Variants in FRMPD4 observed in about 807,000 individuals in gnomAD.
FRMPD4 encodes FERM and PDZ domain containing 4, also known as FERM and PDZ domain-containing protein 4.
FRMPD4 carries 22 observed loss-of-function variants against 94.1 expected under a neutral mutation model. The observed-to-expected ratio is 0.23, with a 90% confidence interval of 0.17 to 0.33. The LOEUF is 0.33. FRMPD4 is among the 10% of genes least tolerant of loss of function. The pLI is 1.00. For missense variants in FRMPD4, 1,111 were observed against 1,339.9 expected, an observed-to-expected ratio of 0.83 and a Z score of 2.67; for synonymous variants, 631 against 548.6, an observed-to-expected ratio of 1.15 and a Z score of -2.10.
At chrX:12,584,031 G>T (rs1226430265) in intron 2 of FRMPD4, among the ~76,000 whole-genome samples, 1 of 111,683 alleles carries the variant, frequency 9.0e-6, no homozygotes, top group African/African-American at 3.3e-5. Flanking sequence ...GCAACGTCCT[G>T]GGAACTCTGG....
intron 3 of FRMPD4, among the ~76,000 whole-genome samples, chrX:12,024,014 T>G (rs1275941716): frequency 8.9e-6 from 1 of 111,853 alleles, no homozygotes; most frequent in African/African-American, 3.2e-5. Context: ...ACAAAGCTTC[T>G]GAAGTTCTTT....
intron 1 of FRMPD4, among the ~76,000 whole-genome samples, chrX:11,848,058 TA>T (rs1016966341): frequency 2.8e-4 from 30 of 108,279 alleles, no homozygotes; most frequent in Non-Finnish European, 4.4e-4. Context: ...AAAAAATAAA[TA>T]AAAAAAAGAA....
At chrX:12,138,374 G>C (rs746216419), upstream of FRMPD4, 14 of 116,186 alleles carry the variant, frequency 1.2e-4, no homozygotes, top group Non-Finnish European at 2.0e-4. Context: ...CAGATCTAGA[G>C]GCACACGCAG....
chrX:12,166,316 T>A (rs1456836564), intron 1 of FRMPD4, among the ~76,000 whole-genome samples: 3 of 112,096 alleles, frequency 2.7e-5, no homozygotes, highest in African/African-American at 9.7e-5. Flanking sequence ...AATCATGTGG[T>A]TTTTGTTTTT....
chrX:11,978,726 T>C (rs2054381450), intron 3 of FRMPD4, among the ~76,000 whole-genome samples: 1 of 112,102 alleles, frequency 8.9e-6, no homozygotes, highest in Non-Finnish European at 1.9e-5. Flanking sequence ...TACAAAACTT[T>C]ACTTTGAAGC....
At chrX:12,164,753 G>C (rs959480182) in intron 1 of FRMPD4, among the ~76,000 whole-genome samples, 12 of 112,473 alleles carry the variant, frequency 1.1e-4, no homozygotes, top group Non-Finnish European at 2.1e-4. Flanking sequence ...ACTGGTGTGA[G>C]ATGGTATCTC....
At position 12,580,112 on chromosome X, in the gene FRMPD4, A is replaced by G. The variant is rs145590481; in HGVS notation, c.159-29609A>G. 3.5e-4 allele frequency among the ~76,000 whole-genome samples: 39 copies of G among 112,535 alleles called. No individual in the cohort carries two copies. The East Asian group carries it at 0.01, about 30-fold the overall frequency. ...AAATGAACAAAAGCAGTTAGATTCA[A>G]GAGGGGAGTTGACACTTGGAAGAAA... On this transcript the variant is annotated intron_variant, in intron 2 of 16. Transcript: ENST00000675598.
rs1360905217 is a variant in FRMPD4 at position 12,128,167 on chromosome X, C to T, written c.95+250149C>T. Among the ~76,000 whole-genome samples, 5 of 113,383 alleles carry T rather than the reference C, an allele frequency of 4.4e-5. No individual in the cohort carries two copies. The East Asian group carries it at 1.4e-3, about 31-fold the overall frequency. ...TCCAACCCCACATTTCCCTTCCACACTGCCGTAGCAGTGGTTCTCCATGAG... is the reference window on the plus strand; with the variant it reads ...TCCAACCCCACATTTCCCTTCCACATTGCCGTAGCAGTGGTTCTCCATGAG... On this transcript the variant is annotated intron_variant, in intron 3 of 18. Coordinates refer to the FRMPD4 transcript ENST00000640291.
intron 1 of FRMPD4, among the ~76,000 whole-genome samples, chrX:12,164,559 A>C (rs1332290487): frequency 8.9e-6 from 1 of 112,374 alleles, no homozygotes; most frequent in Admixed American, 9.4e-5. Flanking sequence ...TTGGGTATAT[A>C]CCCAGTAATG....
intron 9 of FRMPD4, among the ~76,000 whole-genome samples, chrX:12,695,669 C>T (rs778970000): frequency 2.9e-4 from 33 of 112,208 alleles, no homozygotes; most frequent in African/African-American, 1.1e-3. Context: ...TCCCAAAGTG[C>T]TGGGATTACA....
intron 3 of FRMPD4, among the ~76,000 whole-genome samples, chrX:12,117,140 C>T (rs1056048685): frequency 2.7e-5 from 3 of 111,723 alleles, no homozygotes; most frequent in Admixed American, 9.5e-5. Context: ...TTGCCAAAGT[C>T]AACTATGGCA....
At chrX:12,311,612 A>T (rs137911686) in intron 1 of FRMPD4, among the ~76,000 whole-genome samples, 1 of 110,637 alleles carries the variant, frequency 9.0e-6, no homozygotes, top group Admixed American at 9.6e-5. Context: ...AACTATTTCT[A>T]TTTTAATTTG....
chrX:12,166,279 A>G (rs907099417), intron 1 of FRMPD4, among the ~76,000 whole-genome samples: 3 of 111,932 alleles, frequency 2.7e-5, no homozygotes, highest in Non-Finnish European at 5.6e-5. Flanking sequence ...GAATTTTGTC[A>G]AAGGCCTTTT....
At chrX:12,136,815 A>C (rs1461037973), upstream of FRMPD4, among the ~76,000 whole-genome samples, 1 of 108,805 alleles carries the variant, frequency 9.2e-6, no homozygotes, top group Non-Finnish European at 1.9e-5. Context: ...CAGGAGCGCA[A>C]CTTTAGCTTG....
chrX:12,231,259 C>T (rs2023757), intron 1 of FRMPD4, among the ~76,000 whole-genome samples: 1,011 of 100,560 alleles, frequency 0.01, 6 homozygotes, highest in Non-Finnish European at 0.016. Context: ...GGGTAAATTC[C>T]GGCCCTGAAG....
At chrX:12,195,651 T>C (rs2056558358) in intron 1 of FRMPD4, among the ~76,000 whole-genome samples, 1 of 111,767 alleles carries the variant, frequency 8.9e-6, no homozygotes, top group Non-Finnish European at 1.9e-5. Context: ...AGCAGGTGTT[T>C]AGTGTCCCAG....
intron 1 of FRMPD4, among the ~76,000 whole-genome samples, chrX:12,185,374 C>T (rs1272924651): frequency 9.0e-6 from 1 of 111,449 alleles, no homozygotes; most frequent in Non-Finnish European, 1.9e-5. Context: ...ATAGATGCCT[C>T]ACCCCGCACC....
At position 12,720,991 on chromosome X, in the gene FRMPD4, A is replaced by G; in HGVS notation, c.4422A>G (p.Pro1474=). 1.3e-6 allele frequency: 1 copy of G among 774,331 alleles called. No homozygotes were observed. The highest frequency in any genetic ancestry group is 1.5e-6 in the Non-Finnish European group (1 of 650,368). 63.8% of individuals were successfully genotyped at this position (774,331 alleles called of 1,213,427 possible). The part of the protein sequence containing the change: ...SSEGRFHKRS[P]VAHKDSKLYR... ...AGGGGAGGTTTCACAAAAGGTCCCCAGTGGCTCATAAAGACTCAAAGCTGT... is the reference window on the plus strand; with the variant it reads ...AGGGGAGGTTTCACAAAAGGTCCCCGGTGGCTCATAAAGACTCAAAGCTGT... Residue 1474 remains proline (P), a synonymous_variant, in exon 17 of 17, where the codon CCA becomes CCG. Coordinates refer to ENST00000675598, the MANE Select transcript of FRMPD4 (RefSeq NM_001368397.1).
chrX:12,326,398 G>T (rs2055288354), intron 1 of FRMPD4, among the ~76,000 whole-genome samples: 1 of 111,826 alleles, frequency 8.9e-6, no homozygotes, highest in South Asian at 3.8e-4. Flanking sequence ...ATTCTTTGTT[G>T]TTAGGTGCAG....
Sources: gnomAD v4.1 joint callset for allele counts (sites outside exome capture counted in the v4.1 genomes callset) on GRCh38, gnomAD v4.1.1 for gene constraint, MANE v1.5 for transcripts, NCBI Gene and HGNC (gene_info 2026-07-23, HGNC 2026-07-21) for gene names.